Variants in CTBP2 observed in about 807,000 individuals in gnomAD.
The protein encoded by CTBP2 is C-terminal binding protein 2.
A neutral mutation model predicts 80.3 loss-of-function variants in CTBP2; 30 were observed. The ratio of observed to expected loss-of-function variants is 0.37; its 90% confidence interval spans 0.28 to 0.51. The LOEUF is 0.51. Ranked by LOEUF, CTBP2 falls within the 20% of genes least tolerant of loss-of-function variation. The probability of loss-of-function intolerance (pLI) is 0.93; values close to 1 mark genes in which losing one functional copy is unlikely to be tolerated. For missense variants in CTBP2, 1,212 were observed against 1,375.3 expected, an observed-to-expected ratio of 0.88 and a Z score of 1.88; for synonymous variants, 594 against 587.4, an observed-to-expected ratio of 1.01 and a Z score of -0.16.
chr10:125,002,325 C>T (rs1004463865), intron 3 of CTBP2, among the ~76,000 whole-genome samples: 1 of 152,202 alleles, frequency 6.6e-6, no homozygotes, highest in Admixed American at 6.5e-5. Context: ...TGGGCAGAGG[C>T]CCCCCTCAAC....
intron 2 of CTBP2, among the ~76,000 whole-genome samples, chr10:125,084,860 T>G (rs917081769): frequency 6.6e-6 from 1 of 152,070 alleles, no homozygotes; most frequent in African/African-American, 2.4e-5. Flanking sequence ...CCCCAAAGGT[T>G]TGGCCTTCGC....
intron 1 of CTBP2, among the ~76,000 whole-genome samples, chr10:125,143,645 C>T (rs535897031): frequency 4.7e-5 from 7 of 148,982 alleles, no homozygotes; most frequent in East Asian, 1.9e-4. Flanking sequence ...ACTGCTTAAT[C>T]GGGAAGTGTA....
upstream of CTBP2, among the ~76,000 whole-genome samples, chr10:125,031,418 GGT>G (rs1958180000): frequency 6.8e-6 from 1 of 148,004 alleles, no homozygotes. Flanking sequence ...GAACCCGGGA[GGT>G]GCAGGTTGCA....
chr10:125,005,512 G>C, intron 1 of CTBP2: 24 of 1,574,430 alleles, frequency 1.5e-5, no homozygotes, highest in Non-Finnish European at 2.1e-5. Context: ...GGGAAAATAA[G>C]GCAGGGACGA....
chr10:125,008,002 A>G (rs949945575), intron 1 of CTBP2, among the ~76,000 whole-genome samples: 3 of 151,580 alleles, frequency 2.0e-5, no homozygotes, highest in Admixed American at 6.6e-5. Flanking sequence ...GCTGGAATGC[A>G]GTGGCACGAT....
intron 2 of CTBP2, among the ~76,000 whole-genome samples, chr10:125,102,989 C>T (rs1850871565): frequency 1.3e-5 from 2 of 152,200 alleles, no homozygotes; most frequent in East Asian, 1.9e-4. Flanking sequence ...CAGCTGGGTC[C>T]CCACACCCTA....
rs552962919 is a variant in CTBP2, at chr10:125,141,646, G to A, written c.-206+18673C>T. Among the ~76,000 whole-genome samples, 471 of 151,056 alleles carry A rather than the reference G, an allele frequency of 3.1e-3. 3 individuals are homozygous for A. The highest frequency in any genetic ancestry group is 0.011 in the African/African-American group (440 of 41,104). On this transcript the variant is annotated intron_variant, in intron 1 of 10. Coordinates refer to the CTBP2 transcript ENST00000337195. Reference sequence around the variant, plus strand: ...CATGGCAAGCACACAGTAAACACACGGCAAGTACATGGCAAATACACAGCA... The same window carrying A: ...CATGGCAAGCACACAGTAAACACACAGCAAGTACATGGCAAATACACAGCA...
intron 2 of CTBP2, among the ~76,000 whole-genome samples, chr10:125,055,372 C>G (rs1225691225): frequency 6.6e-6 from 1 of 152,170 alleles, no homozygotes. Context: ...CACGCAGGTG[C>G]CATGCCCTCA....
chr10:125,056,164 C>A (rs768364534), intron 2 of CTBP2, among the ~76,000 whole-genome samples: 76 of 138,054 alleles, frequency 5.5e-4, no homozygotes, highest in South Asian at 3.9e-3. Flanking sequence ...GATTGTGTCT[C>A]AAAAATAAAA....
At chr10:125,078,198 T>C (rs1457864795) in intron 2 of CTBP2, among the ~76,000 whole-genome samples, 2 of 148,006 alleles carry the variant, frequency 1.4e-5, no homozygotes, top group Non-Finnish European at 3.0e-5. Context: ...GAGAATGGCA[T>C]GAACCTGGCA....
intron 2 of CTBP2, among the ~76,000 whole-genome samples, chr10:125,048,560 T>A (rs1055754460): frequency 6.6e-6 from 1 of 150,946 alleles, no homozygotes; most frequent in East Asian, 2.0e-4. Context: ...TAGCTGGGGG[T>A]CCCACTTTCA....
chr10:125,104,734 C>T (rs1265692973), intron 2 of CTBP2, among the ~76,000 whole-genome samples: 4 of 152,226 alleles, frequency 2.6e-5, no homozygotes, highest in Non-Finnish European at 5.9e-5. Context: ...GAATGAATTG[C>T]AAAAGCATTC....
chr10:125,157,994 G>A (rs926276149), intron 1 of CTBP2, among the ~76,000 whole-genome samples: 2 of 152,016 alleles, frequency 1.3e-5, no homozygotes, highest in Admixed American at 6.6e-5. Flanking sequence ...CTCTGCTAAA[G>A]AAAAAAATTC....
chr10:125,012,254 G>A lies in CTBP2; in HGVS notation c.1679-8762C>T, dbSNP rs144301248. 1.3e-4 allele frequency among the ~76,000 whole-genome samples: 20 copies of A among 152,306 alleles called. No homozygotes were observed. In the East Asian group the frequency reaches 2.3e-3, roughly 18 times the overall value. On this transcript the variant is annotated intron_variant, in intron 1 of 8. Coordinates refer to ENST00000309035, the MANE Select transcript of CTBP2 (RefSeq NM_022802.3). ...GGACAGGATGTGGGGGATAGAAGCC[G>A]GAGCAACATCCAAGCCTGAGGAGCA...
chr10:125,129,106 T>C (rs983246300), intron 1 of CTBP2, among the ~76,000 whole-genome samples: 1 of 152,232 alleles, frequency 6.6e-6, no homozygotes, highest in Admixed American at 6.5e-5. Context: ...TGTATACATG[T>C]ATATGCTGTG....
At chr10:125,028,447 A>G (rs1957874102), upstream of CTBP2, among the ~76,000 whole-genome samples, 1 of 152,242 alleles carries the variant, frequency 6.6e-6, no homozygotes, top group African/African-American at 2.4e-5. Context: ...AAAAAGGTCC[A>G]CACGTGATCC....
At chr10:125,149,821 G>A (rs527364810) in intron 1 of CTBP2, among the ~76,000 whole-genome samples, 15 of 152,300 alleles carry the variant, frequency 9.8e-5, no homozygotes, top group East Asian at 1.9e-4. Context: ...CCGGTGGAGC[G>A]GGGCTGGTCT....
chr10:125,131,594 T>C (rs1856204004), intron 1 of CTBP2, among the ~76,000 whole-genome samples: 1 of 152,222 alleles, frequency 6.6e-6, no homozygotes, highest in South Asian at 2.1e-4. Flanking sequence ...ACTACCCAAC[T>C]CACTGTACTA....
intron 1 of CTBP2, chr10:125,005,658 C>A (rs1398995378): frequency 1.2e-6 from 2 of 1,612,834 alleles, no homozygotes; most frequent in Non-Finnish European, 1.7e-6. Flanking sequence ...GAACCCGACA[C>A]ACATGGCTCC....
Sources: gnomAD v4.1 joint callset for allele counts (sites outside exome capture counted in the v4.1 genomes callset) on GRCh38, gnomAD v4.1.1 for gene constraint, MANE v1.5 for transcripts, NCBI Gene and HGNC (gene_info 2026-07-23, HGNC 2026-07-21) for gene names.